The following DNMT3A variants were observed in gnomAD, a reference collection of about 807,000 sequenced individuals.
The protein encoded by DNMT3A is DNA methyltransferase 3 alpha, also known as DNA (cytosine-5)-methyltransferase 3A.
DNMT3A carries 267 observed loss-of-function variants against 117.6 expected under a neutral mutation model. The observed-to-expected ratio is 2.27, with a 90% CI of 2.05 to 2.51. The LOEUF is 2.51. DNMT3A is among the 30% of genes most tolerant of loss of function. The pLI is 0.00. For missense variants in DNMT3A, 1,029 were observed against 1,260.2 expected (o/e 0.82, Z 2.78); for synonymous variants, 432 against 474.8 (o/e 0.91, Z 1.17).
rs2031343717 is a variant in DNMT3A at position 25,275,621 on chromosome 2, G to T, written c.449-78C>A. The T allele has an allele frequency of 6.7e-6, 10 of 1,486,390 alleles. No individual in the cohort carries two copies. The East Asian group carries it at 1.3e-4, about 19-fold the overall frequency. The allele number at this position is 1,486,390 out of a possible 1,614,324, so 92.1% of individuals were successfully genotyped here. On this transcript the variant is annotated intron_variant, in intron 4 of 22. Transcript: ENST00000321117. ...GAGTGGCTCACAGGCCCCACCTTGT[G>T]CCTGGGGTCCCTGCCACAGGGGATG...
At chr2:25,274,821 A>C in intron 6 of DNMT3A, 120 bp downstream of exon 6, 38 of 1,400,922 alleles carry the variant, frequency 2.7e-5, no homozygotes, top group Non-Finnish European at 3.2e-5. Flanking sequence ...CATCATGACT[A>C]GAGATTAAGA....
intron 6 of DNMT3A, among the ~76,000 whole-genome samples, chr2:25,250,764 C>T (rs1675424740): frequency 6.6e-6 from 1 of 152,198 alleles, no homozygotes; most frequent in Non-Finnish European, 1.5e-5. Context: ...ATCCAAAGAC[C>T]CCGTTTCCAG....
At position 25,281,602 on chromosome 2, in the gene DNMT3A, T is replaced by G; in HGVS notation, c.448+839A>C. 9.4e-7 allele frequency: 1 copy of G among 1,064,422 alleles called. No individual in the cohort carries two copies. Among genetic ancestry groups the G allele is most frequent in the Non-Finnish European group, 1.1e-6 (1 of 878,622 alleles). 65.9% of individuals were successfully genotyped at this position (1,064,422 alleles called of 1,614,324 possible). The stretch of plus-strand genomic sequence containing the variant: ...ACTTTTTGAAATTAAAATGCACATA[T>G]GCAAAACAACCTGGCAGGGCCCTGG... On this transcript the variant is annotated intron_variant, in intron 4 of 22. Coordinates refer to ENST00000321117, the MANE Select transcript of DNMT3A (RefSeq NM_022552.5). This position sits in a 1 kb window ranked among gnomAD's most constrained non-coding sequence, Gnocchi z 4.8.
At chr2:25,268,301 G>A (rs139951244) in intron 6 of DNMT3A, among the ~76,000 whole-genome samples, 42 of 152,298 alleles carry the variant, frequency 2.8e-4, no homozygotes, top group African/African-American at 9.1e-4. Context: ...CTGCCTAGAC[G>A]GAATTTAGAA....
intron 1 of DNMT3A, among the ~76,000 whole-genome samples, chr2:25,331,899 C>G (rs895653167): frequency 1.3e-5 from 2 of 150,610 alleles, no homozygotes; most frequent in African/African-American, 2.4e-5. Context: ...CTCTCCGACT[C>G]CCCCCAACCC....
rs986656457 is a variant in DNMT3A, at chr2:25,327,168, G to A, written c.-177-13007C>T. Among the ~76,000 whole-genome samples the A allele has an allele frequency of 1.3e-5, 2 of 152,130 alleles. No homozygotes were observed. The highest frequency in any genetic ancestry group is 4.8e-5 in the African/African-American group (2 of 41,422). Reference sequence around the variant, plus strand: ...CATATCTATTATTTTTGTATTCTTTGGAGTTATTTTTACTTCTTACTAGCC... The same window carrying A: ...CATATCTATTATTTTTGTATTCTTTAGAGTTATTTTTACTTCTTACTAGCC... On this transcript the variant is annotated intron_variant, in intron 1 of 22. Coordinates refer to ENST00000321117, the MANE Select transcript of DNMT3A (RefSeq NM_022552.5). The surrounding 1 kb of genome is among the most constrained non-coding windows in gnomAD (Gnocchi z 4.1).
chr2:25,240,809 A>C (rs1573314251), intron 17 of DNMT3A, 79 bp from the exon 18 acceptor site: 2 of 1,459,824 alleles, frequency 1.4e-6, no homozygotes, highest in East Asian at 2.3e-5. Context: ...TTATCTGTGA[A>C]CTTGGCAAAG....
chr2:25,250,026 C>G (rs1319015184), intron 6 of DNMT3A, among the ~76,000 whole-genome samples: 2 of 152,206 alleles, frequency 1.3e-5, no homozygotes, highest in African/African-American at 4.8e-5. Context: ...CAACCAGCAG[C>G]TGACTTTGGA....
chr2:25,246,536 C>A, intron 10 of DNMT3A, 84 bp downstream of exon 10: 1 of 1,531,080 alleles, frequency 6.5e-7, no homozygotes, highest in Non-Finnish European at 8.8e-7. Flanking sequence ...GCCTTGGCAG[C>A]CCTCCCTAAG....
At chr2:25,240,545 T>C in intron 18 of DNMT3A, 95 bp from the exon 19 acceptor site, 1 of 1,590,102 alleles carries the variant, frequency 6.3e-7, no homozygotes, top group Non-Finnish European at 8.6e-7. Context: ...GACAGGGTCA[T>C]CGGGAATAGC....
In DNMT3A at chr2:25,294,436, G is replaced by C. The variant is rs1279219550; in HGVS notation, c.177+5703C>G. 6.6e-6 allele frequency among the ~76,000 whole-genome samples: 1 copy of C among 152,122 alleles called. No individual in the cohort carries two copies. The highest frequency in any genetic ancestry group is 1.5e-5 in the Non-Finnish European group (1 of 68,008). ...TGGGCAGCAGCGTGTACTGATGCAG[G>C]CTCGCAGGAAGAAAAGCCACCTCTA... is the stretch of plus-strand genomic sequence containing the variant. On this transcript the variant is annotated intron_variant, in intron 3 of 22. Coordinates refer to ENST00000321117, the MANE Select transcript of DNMT3A (RefSeq NM_022552.5). This position sits in a 1 kb window ranked among gnomAD's most constrained non-coding sequence, Gnocchi z 4.7.
At chr2:25,235,177 G>C (rs1384337410) in intron 22 of DNMT3A, among the ~76,000 whole-genome samples, 2 of 151,488 alleles carry the variant, frequency 1.3e-5, no homozygotes, top group African/African-American at 4.9e-5. Flanking sequence ...GGATTTCCTA[G>C]ACTCCTCTTT....
At chr2:25,276,007 G>C (rs2031381927) in intron 4 of DNMT3A, among the ~76,000 whole-genome samples, 1 of 152,166 alleles carries the variant, frequency 6.6e-6, no homozygotes, top group South Asian at 2.1e-4. Context: ...GCCCTGCAAG[G>C]GAGTGTTTGC....
intron 1 of DNMT3A, among the ~76,000 whole-genome samples, chr2:25,336,502 G>C (rs1041317658): frequency 1.3e-5 from 2 of 152,046 alleles, no homozygotes; most frequent in African/African-American, 4.8e-5. Flanking sequence ...CAACCCCCTG[G>C]GGTCAGTGTA....
rs1217541867 is a variant in DNMT3A, at chr2:25,252,225, G to A, written c.640-3973C>T. 16 of 1,551,204 alleles carry A rather than the reference G, an allele frequency of 1.0e-5. No individual in the cohort carries two copies. The East Asian group carries it at 3.3e-4, about 32-fold the overall frequency. ...GGCCAGGTGCAGCCCCTCTGCAGTC[G>A]CGCTCAGGTGTGAGCCGCGGCCCTG... On this transcript the variant is annotated intron_variant, in intron 6 of 22. Transcript: ENST00000321117. The surrounding 1 kb of genome is among the most constrained non-coding windows in gnomAD (Gnocchi z 5.5).
At chr2:25,246,942 A>G in intron 9 of DNMT3A, 109 bp downstream of exon 9, 1 of 1,459,964 alleles carries the variant, frequency 6.8e-7, no homozygotes, top group Non-Finnish European at 9.3e-7. Context: ...GAGAGAAAGG[A>G]GTCGCTGCCT....
In DNMT3A at chr2:25,248,255, G is replaced by C. The variant is rs1359259621; in HGVS notation, c.640-3C>G. ...ATGACCTTGGCTTTCTTCTCAGCCT[G>C]GGGAAACAAAAAACAAAAAGTCACC... On this transcript the variant is annotated splice_region_variant and splice_polypyrimidine_tract_variant and intron_variant, in intron 6 of 22. Transcript: ENST00000321117. 6.2e-7 allele frequency: 1 copy of C among 1,610,532 alleles called. No homozygotes were observed. The highest frequency in any genetic ancestry group is 1.1e-5 in the South Asian group (1 of 90,444).
At chr2:25,258,303 C>G (rs538537219) in intron 6 of DNMT3A, among the ~76,000 whole-genome samples, 2 of 152,224 alleles carry the variant, frequency 1.3e-5, no homozygotes, top group Non-Finnish European at 2.9e-5. Context: ...GAACCTCCTC[C>G]CTGAGTCTGG....
chr2:25,274,816 T>G, intron 6 of DNMT3A, 125 bp downstream of exon 6: 2 of 1,193,786 alleles, frequency 1.7e-6, no homozygotes, highest in Non-Finnish European at 2.2e-6. Flanking sequence ...CCAGTCATCA[T>G]GACTAGAGAT....
Sources: allele counts gnomAD v4.1 joint callset (sites outside exome capture counted in the v4.1 genomes callset), GRCh38; gene constraint gnomAD v4.1.1; non-coding constraint Gnocchi (gnomAD v3.1); transcripts MANE v1.5; gene names NCBI Gene and HGNC (gene_info 2026-07-23, HGNC 2026-07-21).